Variants in LECT2 observed in about 807,000 individuals in gnomAD.
The protein encoded by LECT2 is leukocyte cell-derived chemotaxin-2.
In LECT2, 11 loss-of-function variants were observed where a neutral mutation model predicts 16.6. That is an observed-to-expected ratio of 0.66 (90% confidence interval 0.42 to 1.09). LECT2 has a LOEUF of 1.09. Among genes scored for constraint, LECT2 ranks in the 50% least tolerant of loss-of-function variants. The pLI, the probability that LECT2 is intolerant of heterozygous loss-of-function variation, is 0.00. For missense variants in LECT2, 173 were observed against 184.2 expected (o/e 0.94, Z 0.35); for synonymous variants, 54 against 64.8 (o/e 0.83, Z 0.80).
intron 1 of LECT2, among the ~76,000 whole-genome samples, chr5:135,954,377 C>A (rs947822464): frequency 6.6e-6 from 1 of 152,196 alleles, no homozygotes; most frequent in Non-Finnish European, 1.5e-5. Flanking sequence ...ACTTTTTCCT[C>A]CTTCGGTGAG....
rs1389292077 is a variant in LECT2 at position 135,951,500 on chromosome 5, T to C, written c.144-132A>G. The stretch of plus-strand genomic sequence containing the variant: ...GAAGCTGCCAGAACATGTTGGGATG[T>C]CCCAGGATGCCTCACTCTGTTTAGC... On this transcript the variant is annotated intron_variant, in intron 2 of 3. Transcript: ENST00000274507. 12 of 797,532 alleles carry C rather than the reference T, an allele frequency of 1.5e-5. No homozygotes were observed. In the Admixed American group the frequency reaches 3.3e-4, roughly 22 times the overall value. 49.4% of individuals were successfully genotyped at this position (797,532 alleles called of 1,614,324 possible).
intron 3 of LECT2, 147 bp downstream of exon 3, chr5:135,951,076 C>G (rs906959527): frequency 1.3e-6 from 1 of 770,328 alleles, no homozygotes; most frequent in Admixed American, 2.9e-5. Flanking sequence ...AATGCATCAG[C>G]TAGTTTGGGT....
intron 3 of LECT2, among the ~76,000 whole-genome samples, chr5:135,948,918 A>G (rs762477224): frequency 6.6e-6 from 1 of 152,106 alleles, no homozygotes; most frequent in Non-Finnish European, 1.5e-5. Context: ...CTCGTGATCC[A>G]TCCACCTCGG....
rs753837473 is a variant in LECT2 at position 135,951,278 on chromosome 5, C to G, written c.234G>C (p.Glu78Asp). ...APFTGMIVGQEKPYQNKNAIN... is the reference protein window; with the variant it reads ...APFTGMIVGQDKPYQNKNAIN... ...TAGCATTCTTGTTTTGATAAGGTTTCTCCTGGCCCACAATCATTCCAGTGA... is the reference window on the plus strand; with the variant it reads ...TAGCATTCTTGTTTTGATAAGGTTTGTCCTGGCCCACAATCATTCCAGTGA... The change falls in exon 3 of 4, where the codon GAG becomes GAC. Residue 78 changes from glutamate to aspartate, a missense_variant. Transcript: ENST00000274507. 1.5e-5 allele frequency: 24 copies of G among 1,614,050 alleles called. No homozygotes were observed. The highest frequency in any genetic ancestry group is 1.6e-4 in the Middle Eastern group (1 of 6,084).
chr5:135,952,019 C>G (rs1382984722), intron 2 of LECT2, among the ~76,000 whole-genome samples: 2 of 152,164 alleles, frequency 1.3e-5, no homozygotes, highest in Admixed American at 6.5e-5. Flanking sequence ...GTCACCTGAA[C>G]GATCAGGTTC....
At chr5:135,952,517 T>C (rs1763810086) in intron 2 of LECT2, among the ~76,000 whole-genome samples, 1 of 152,206 alleles carries the variant, frequency 6.6e-6, no homozygotes, top group Admixed American at 6.5e-5. Context: ...GCAGGTCCCT[T>C]AACCCTTTGG....
intron 3 of LECT2, among the ~76,000 whole-genome samples, chr5:135,949,686 G>A (rs890476404): frequency 6.6e-6 from 1 of 152,212 alleles, no homozygotes; most frequent in African/African-American, 2.4e-5. Context: ...TACGCAAAAG[G>A]ACTGAGCCTC....
chr5:135,952,983 GT>G lies in LECT2; in HGVS notation c.47-17del. 1 of 1,576,522 alleles carries G rather than the reference GT, an allele frequency of 6.3e-7. No homozygotes were observed. The highest frequency in any genetic ancestry group is 1.1e-5 in the South Asian group (1 of 90,364). On this transcript the variant is annotated splice_polypyrimidine_tract_variant and intron_variant, in intron 1 of 3. Transcript: ENST00000274507. ...CCTGCCAGTGCTAAAAAGGAGAAAAGTGAGAGCAGAGCTCCTGGCCTCAGAC... is the reference window on the plus strand; with the variant it reads ...CCTGCCAGTGCTAAAAAGGAGAAAAGGAGAGCAGAGCTCCTGGCCTCAGAC...
At chr5:135,949,172 T>G (rs1763753475) in intron 3 of LECT2, among the ~76,000 whole-genome samples, 2 of 152,306 alleles carry the variant, frequency 1.3e-5, no homozygotes, top group South Asian at 4.2e-4. Flanking sequence ...CATAATATGT[T>G]CATTGATTGG....
At chr5:135,954,599 C>T (rs984975895) in intron 1 of LECT2, among the ~76,000 whole-genome samples, 189 bp downstream of exon 1, 12 of 152,138 alleles carry the variant, frequency 7.9e-5, no homozygotes, top group African/African-American at 2.9e-4. Context: ...ATTAAAGAAC[C>T]GGAACATTCC....
At chr5:135,953,129 C>T (rs1763818149) in intron 1 of LECT2, 162 bp from the exon 2 acceptor site, 1 of 570,580 alleles carries the variant, frequency 1.8e-6, no homozygotes, top group Non-Finnish European at 3.1e-6. Context: ...AATTTTATTT[C>T]CTGATTCAGA....
In LECT2 at chr5:135,953,225, C is replaced by G. The variant is rs186250347; in HGVS notation, c.47-258G>C. On this transcript the variant is annotated intron_variant, in intron 1 of 3. Coordinates refer to ENST00000274507, the MANE Select transcript of LECT2 (RefSeq NM_002302.3). ...AATACAATTTTTTTTTTTTTTGGAT[C>G]GGAGTCTCACTCTGTTGCCAAGCTG... The G allele has an allele frequency of 5.6e-4, 203 of 360,362 alleles. 1 individual carries two copies. Among genetic ancestry groups the G allele is most frequent in the Non-Finnish European group, 2.8e-4 (54 of 195,748 alleles). The allele number at this position is 360,362 out of a possible 1,614,324, so 22.3% of individuals were successfully genotyped here.
At chr5:135,953,374 G>A (rs1177217196) in intron 1 of LECT2, among the ~76,000 whole-genome samples, 1 of 152,000 alleles carries the variant, frequency 6.6e-6, no homozygotes, top group Admixed American at 6.6e-5. Flanking sequence ...GCTAATTTTT[G>A]TATTTTTAGT....
At chr5:135,949,729 C>A (rs748918662) in intron 3 of LECT2, among the ~76,000 whole-genome samples, 3 of 152,210 alleles carry the variant, frequency 2.0e-5, no homozygotes, top group African/African-American at 4.8e-5. Context: ...GACTGTGAAC[C>A]AATTCAAGCC....
At position 135,951,276 on chromosome 5, in the gene LECT2, T is replaced by G; in HGVS notation, c.236A>C (p.Lys79Thr). The G allele has an allele frequency of 6.2e-7, 1 of 1,614,200 alleles. No individual in the cohort carries two copies. Among genetic ancestry groups the G allele is most frequent in the Non-Finnish European group, 8.5e-7 (1 of 1,180,010 alleles). ...PFTGMIVGQE[K>T]PYQNKNAINN... ...GATAGCATTCTTGTTTTGATAAGGTTTCTCCTGGCCCACAATCATTCCAGT... is the reference window on the plus strand; with the variant it reads ...GATAGCATTCTTGTTTTGATAAGGTGTCTCCTGGCCCACAATCATTCCAGT... Residue 79 changes from lysine to threonine, a missense_variant, in exon 3 of 4, where the codon AAA becomes ACA. Physicochemically the swap from Lys to Thr is moderately conservative, Grantham distance 78. Transcript: ENST00000274507.
At chr5:135,951,132 G>T in intron 3 of LECT2, 91 bp downstream of exon 3, 2 of 1,242,070 alleles carry the variant, frequency 1.6e-6, no homozygotes, top group Non-Finnish European at 2.3e-6. Flanking sequence ...TTTGAAAGAA[G>T]TACAAAATCT....
chr5:135,953,557 A>G (rs944949333), intron 1 of LECT2, among the ~76,000 whole-genome samples: 1 of 152,188 alleles, frequency 6.6e-6, no homozygotes, highest in Non-Finnish European at 1.5e-5. Context: ...CAGATCCATT[A>G]GTAAATGGTA....
At chr5:135,950,589 C>A (rs1340012041) in intron 3 of LECT2, among the ~76,000 whole-genome samples, 1 of 151,666 alleles carries the variant, frequency 6.6e-6, no homozygotes, top group East Asian at 1.9e-4. Context: ...GTATTTATAC[C>A]TTGATGGAGT....
intron 1 of LECT2, 92 bp downstream of exon 1, chr5:135,954,696 A>C: frequency 2.3e-6 from 2 of 852,836 alleles, no homozygotes; most frequent in Non-Finnish European, 4.0e-6. Context: ...TGTTGTGATC[A>C]TGCTATTAAT....
Sources: gnomAD v4.1 joint callset for allele counts (sites outside exome capture counted in the v4.1 genomes callset) on GRCh38, gnomAD v4.1.1 for gene constraint, MANE v1.5 for transcripts, NCBI Gene and HGNC (gene_info 2026-07-23, HGNC 2026-07-21) for gene names.